Variants in MACROD2 observed in about 807,000 individuals in gnomAD.
The protein encoded by MACROD2 is ADP-ribose glycohydrolase MACROD2.
In MACROD2, 36 loss-of-function variants were observed where a neutral mutation model predicts 70.4. That is an observed-to-expected ratio of 0.51 (90% CI 0.39 to 0.68). MACROD2 has a LOEUF of 0.68. Among genes scored for constraint, MACROD2 ranks in the 30% least tolerant of loss-of-function variants. The probability of loss-of-function intolerance (pLI) is 0.00; values close to 1 mark genes in which losing one functional copy is unlikely to be tolerated. For missense variants in MACROD2, 496 were observed against 538.4 expected, an observed-to-expected ratio of 0.92 and a Z score of 0.78; for synonymous variants, 172 against 178.8, an observed-to-expected ratio of 0.96 and a Z score of 0.30.
chr20:15,883,691 G>C (rs2064786705), intron 9 of MACROD2, among the ~76,000 whole-genome samples: 1 of 152,096 alleles, frequency 6.6e-6, no homozygotes, highest in Non-Finnish European at 1.5e-5. Flanking sequence ...ATAGGAGAAA[G>C]TTGTAAATCT....
At chr20:15,402,134 G>T (rs2146309682) in intron 6 of MACROD2, among the ~76,000 whole-genome samples, 1 of 152,252 alleles carries the variant, frequency 6.6e-6, no homozygotes, top group Non-Finnish European at 1.5e-5. Flanking sequence ...ATTCGCAGCA[G>T]TAGTCTAAGC....
chr20:14,910,745 G>T (rs77335400), intron 5 of MACROD2, among the ~76,000 whole-genome samples: 9,138 of 152,078 alleles, frequency 0.06, 458 homozygotes, highest in South Asian at 0.23. Flanking sequence ...TTGATATCCC[G>T]CTAGCCTTTC....
chr20:15,828,810 G>A lies in MACROD2; in HGVS notation c.646-33935G>A, dbSNP rs969281609. Among the ~76,000 whole-genome samples the A allele has an allele frequency of 3.3e-5, 5 of 152,198 alleles. No homozygotes were observed. The South Asian group carries it at 6.2e-4, about 19-fold the overall frequency. ...TTGTTGAAAAACTGGTTAACATTTA[G>A]TAGGCACTTAAATATCTATTGAATA... is the stretch of plus-strand genomic sequence containing the variant. On this transcript the variant is annotated intron_variant, in intron 8 of 17. Coordinates refer to ENST00000684519, the MANE Select transcript of MACROD2 (RefSeq NM_001351661.2).
chr20:14,815,387 G>T (rs2072762284), intron 5 of MACROD2, among the ~76,000 whole-genome samples: 1 of 152,006 alleles, frequency 6.6e-6, no homozygotes, highest in Admixed American at 6.6e-5. Context: ...TTCATAAATA[G>T]GTTTTCATAT....
At chr20:15,606,327 A>T (rs547697618) in intron 8 of MACROD2, among the ~76,000 whole-genome samples, 1 of 152,162 alleles carries the variant, frequency 6.6e-6, no homozygotes, top group African/African-American at 2.4e-5. Flanking sequence ...CTGACTTCTC[A>T]CACATCTCAG....
intron 3 of MACROD2, among the ~76,000 whole-genome samples, chr20:14,182,201 C>T (rs1258091348): frequency 2.0e-5 from 3 of 152,176 alleles, no homozygotes; most frequent in South Asian, 2.1e-4. Context: ...AGTAGTATTA[C>T]ACTGTGTATT....
intron 7 of MACROD2, among the ~76,000 whole-genome samples, chr20:15,450,493 G>T (rs1050497812): frequency 6.6e-6 from 1 of 151,790 alleles, no homozygotes; most frequent in Non-Finnish European, 1.5e-5. Flanking sequence ...ATGCTTATAT[G>T]TACACACGTA....
intron 2 of MACROD2, among the ~76,000 whole-genome samples, chr20:14,012,095 T>G (rs919802132): frequency 2.6e-5 from 4 of 151,970 alleles, no homozygotes; most frequent in Admixed American, 2.6e-4. Context: ...TTAGTAGAGA[T>G]GGGGTTTCGC....
chr20:14,112,942 A>C (rs2148686554), intron 3 of MACROD2, among the ~76,000 whole-genome samples: 1 of 152,074 alleles, frequency 6.6e-6, no homozygotes, highest in Middle Eastern at 3.4e-3. Context: ...GCGTTGGGTG[A>C]ATAGCTCTTT....
chr20:15,319,025 TA>T (rs1486754071), intron 6 of MACROD2, among the ~76,000 whole-genome samples: 2 of 152,150 alleles, frequency 1.3e-5, no homozygotes, highest in African/African-American at 4.8e-5. Flanking sequence ...AAACTATTTC[TA>T]ATGGCAGATA....
At position 15,877,440 on chromosome 20, in the gene MACROD2, GA is replaced by G. The variant is rs543763042; in HGVS notation, c.728-8314del. Among the ~76,000 whole-genome samples, 1,422 of 149,584 alleles carry G rather than the reference GA, an allele frequency of 9.5e-3. 17 individuals carry two copies. Among genetic ancestry groups the G allele is most frequent in the Admixed American group, 0.032 (479 of 14,998 alleles). On this transcript the variant is annotated intron_variant, in intron 9 of 17. Transcript: ENST00000684519. The stretch of plus-strand genomic sequence containing the variant: ...CATTTTGGCCAAGGATCAGTTGAAG[GA>G]AAAAAAAAAGTTCCCTTTTTTTTAA...
chr20:14,372,695 A>T (rs2122751381), intron 3 of MACROD2, among the ~76,000 whole-genome samples: 1 of 152,246 alleles, frequency 6.6e-6, no homozygotes, highest in Non-Finnish European at 1.5e-5. Context: ...AGACTTCCAG[A>T]CTTCCGATAA....
At chr20:14,630,843 A>T (rs548472176) in intron 4 of MACROD2, among the ~76,000 whole-genome samples, 3 of 152,294 alleles carry the variant, frequency 2.0e-5, no homozygotes, top group African/African-American at 7.2e-5. Context: ...ACAGATCTTT[A>T]TTTGAATCTA....
intron 5 of MACROD2, among the ~76,000 whole-genome samples, chr20:14,859,185 C>A (rs537984752): frequency 6.6e-6 from 1 of 151,890 alleles, no homozygotes; most frequent in Non-Finnish European, 1.5e-5. Flanking sequence ...CACTAAAGAA[C>A]CTATCCGTGT....
At chr20:15,947,724 G>A (rs1314612555) in intron 12 of MACROD2, among the ~76,000 whole-genome samples, 1 of 152,152 alleles carries the variant, frequency 6.6e-6, no homozygotes, top group Admixed American at 6.5e-5. Flanking sequence ...GAATAAAATG[G>A]TGTGTACATA....
intron 3 of MACROD2, among the ~76,000 whole-genome samples, chr20:14,417,067 A>G (rs770940415): frequency 1.2e-3 from 1 of 804 alleles, no homozygotes. Context: ...TCTATCTATC[A>G]TCTATCTATC....
chr20:14,648,606 C>A (rs1985517809), intron 4 of MACROD2, among the ~76,000 whole-genome samples: 1 of 148,564 alleles, frequency 6.7e-6, no homozygotes, highest in African/African-American at 2.6e-5. Context: ...TTTGCCTCTT[C>A]TTTGTTTATT....
At position 14,571,515 on chromosome 20, in the gene MACROD2, T is replaced by TAA. The variant is rs142628632; in HGVS notation, c.301+78007_301+78008insAA. On this transcript the variant is annotated intron_variant, in intron 4 of 17. Transcript: ENST00000684519. ...ATCTATTTCCCCAGTCATTAAATGT[T>TAA]TATTGAGTATCTATTATGTACTGGT... Among the ~76,000 whole-genome samples, 235 of 152,242 alleles carry TAA rather than the reference T, an allele frequency of 1.5e-3. 3 individuals carry two copies. In the East Asian group the frequency reaches 0.028, roughly 18 times the overall value.
At chr20:15,173,212 T>C (rs754122343) in intron 5 of MACROD2, among the ~76,000 whole-genome samples, 4 of 152,176 alleles carry the variant, frequency 2.6e-5, no homozygotes, top group Non-Finnish European at 4.4e-5. Context: ...TAATATATAA[T>C]TAATTTTGCA....
Sources: allele counts gnomAD v4.1 joint callset (sites outside exome capture counted in the v4.1 genomes callset), GRCh38; gene constraint gnomAD v4.1.1; transcripts MANE v1.5; gene names NCBI Gene and HGNC (gene_info 2026-07-23, HGNC 2026-07-21).